SCHIP1: variants seen among roughly 807,000 people sequenced by gnomAD.
The protein encoded by SCHIP1 is schwannomin interacting protein 1.
A neutral mutation model predicts 29.7 loss-of-function variants in SCHIP1; 8 were observed. The ratio of observed to expected loss-of-function variants is 0.27; its 90% confidence interval spans 0.16 to 0.49. The LOEUF (loss-of-function observed/expected upper bound fraction) is 0.49. Among genes scored for constraint, SCHIP1 ranks in the 20% least tolerant of loss-of-function variants. The probability of loss-of-function intolerance (pLI) is 0.99; values close to 1 mark genes in which losing one functional copy is unlikely to be tolerated. For synonymous variants in SCHIP1, 76 were observed against 94.9 expected (o/e 0.80, Z 1.16); for missense variants, 193 against 294.6 (o/e 0.66, Z 2.52).
At chr3:159,796,539 G>A in the SCHIP1 span, among the ~76,000 whole-genome samples, 1 of 152,172 alleles carries the variant, frequency 6.6e-6, no homozygotes, top group Non-Finnish European at 1.5e-5. Context: ...TAGCGTGACT[G>A]GAGCAATGAC....
At chr3:159,723,738 G>A in the SCHIP1 span, among the ~76,000 whole-genome samples, 2 of 152,064 alleles carry the variant, frequency 1.3e-5, no homozygotes, top group African/African-American at 4.8e-5. Context: ...CTAATCTATT[G>A]GCACTCAGCA....
chr3:159,615,320 C>G, the SCHIP1 span, among the ~76,000 whole-genome samples: 1 of 152,136 alleles, frequency 6.6e-6, no homozygotes, highest in African/African-American at 2.4e-5. Context: ...GAGTGGGAAG[C>G]AATTTGGGAT....
intron 1 of SCHIP1, chr3:159,845,624 T>G (rs530465776): frequency 6.6e-6 from 1 of 152,288 alleles, no homozygotes; most frequent in Admixed American, 6.5e-5. Context: ...TTAGGTGATC[T>G]GCCCACCTTA....
At chr3:159,612,575 C>T in the SCHIP1 span, among the ~76,000 whole-genome samples, 1 of 152,138 alleles carries the variant, frequency 6.6e-6, no homozygotes, top group Admixed American at 6.5e-5. Context: ...GGCGAAACTC[C>T]GTCTCTACTA....
chr3:159,464,140 T>G, the SCHIP1 span, among the ~76,000 whole-genome samples: 1 of 152,206 alleles, frequency 6.6e-6, no homozygotes, highest in Non-Finnish European at 1.5e-5. Flanking sequence ...TCAGAATTTC[T>G]GAAAATTTTA....
chr3:159,624,703 A>G, the SCHIP1 span, among the ~76,000 whole-genome samples: 1 of 152,152 alleles, frequency 6.6e-6, no homozygotes, highest in South Asian at 2.1e-4. Context: ...AATAATAGCT[A>G]AATTTGGGCT....
At chr3:159,524,211 G>T in the SCHIP1 span, among the ~76,000 whole-genome samples, 1 of 152,350 alleles carries the variant, frequency 6.6e-6, no homozygotes, top group South Asian at 2.1e-4. Context: ...GCATGTACTT[G>T]TCCATGCTCT....
chr3:159,798,379 A>G, the SCHIP1 span, among the ~76,000 whole-genome samples: 7 of 152,196 alleles, frequency 4.6e-5, no homozygotes, highest in African/African-American at 1.4e-4. Context: ...TTAAATGGCA[A>G]TGTGTGTACC....
At chr3:159,863,856 A>G (rs2109235755) in intron 1 of SCHIP1, among the ~76,000 whole-genome samples, 2 of 152,326 alleles carry the variant, frequency 1.3e-5, no homozygotes, top group South Asian at 4.1e-4. Context: ...CTCCTCCAAT[A>G]TCTGTAGCTC....
chr3:159,639,752 G>A, the SCHIP1 span, among the ~76,000 whole-genome samples: 5 of 152,160 alleles, frequency 3.3e-5, no homozygotes, highest in Non-Finnish European at 7.4e-5. Flanking sequence ...TAGTTTGGAA[G>A]GTAATGGGGT....
At chr3:159,441,236 T>C in the SCHIP1 span, among the ~76,000 whole-genome samples, 1 of 152,196 alleles carries the variant, frequency 6.6e-6, no homozygotes, top group Non-Finnish European at 1.5e-5. Flanking sequence ...TAGGTGATTC[T>C]ACAGGTTACA....
At chr3:159,505,834 G>C in the SCHIP1 span, among the ~76,000 whole-genome samples, 1 of 152,302 alleles carries the variant, frequency 6.6e-6, no homozygotes, top group East Asian at 1.9e-4. Flanking sequence ...GTAGTCCATG[G>C]TGTATATGTG....
At chr3:159,276,875 A>G in the SCHIP1 span, among the ~76,000 whole-genome samples, 1 of 152,176 alleles carries the variant, frequency 6.6e-6, no homozygotes, top group African/African-American at 2.4e-5. Flanking sequence ...GAACAAGTAC[A>G]CATCCAGGCA....
chr3:159,392,063 G>C, the SCHIP1 span, among the ~76,000 whole-genome samples: 4,635 of 152,236 alleles, frequency 0.03, 266 homozygotes, highest in African/African-American at 0.11. Flanking sequence ...GGTCCTAAAA[G>C]ACTTTTTGGT....
the SCHIP1 span, among the ~76,000 whole-genome samples, chr3:159,408,916 A>G: frequency 5.9e-5 from 9 of 152,184 alleles, no homozygotes; most frequent in Non-Finnish European, 1.2e-4. Flanking sequence ...AAATTCAACA[A>G]TACATTAGAA....
At chr3:159,325,690 T>A in the SCHIP1 span, among the ~76,000 whole-genome samples, 1 of 152,102 alleles carries the variant, frequency 6.6e-6, no homozygotes, top group Non-Finnish European at 1.5e-5. Context: ...TTCTTTTTTT[T>A]AATTGTCAAT....
At chr3:159,558,314 A>G in the SCHIP1 span, among the ~76,000 whole-genome samples, 2 of 152,164 alleles carry the variant, frequency 1.3e-5, no homozygotes, top group Non-Finnish European at 2.9e-5. Context: ...CATGCTTATT[A>G]CCTATTTTTA....
the SCHIP1 span, among the ~76,000 whole-genome samples, chr3:159,465,571 T>G: frequency 2.0e-5 from 3 of 152,044 alleles, no homozygotes; most frequent in Middle Eastern, 3.2e-3. Flanking sequence ...TGAAATATAT[T>G]TACCTGGGGG....
chr3:159,331,411 G>A, the SCHIP1 span, among the ~76,000 whole-genome samples: 1 of 152,160 alleles, frequency 6.6e-6, no homozygotes, highest in African/African-American at 2.4e-5. Context: ...AAAGTTGCAG[G>A]TGTATGTACT....
Sources: allele counts gnomAD v4.1 joint callset (sites outside exome capture counted in the v4.1 genomes callset), GRCh38; gene constraint gnomAD v4.1.1; transcripts MANE v1.5; gene names NCBI Gene and HGNC (gene_info 2026-07-23, HGNC 2026-07-21).